Variants in TMEM108 observed in about 807,000 individuals in gnomAD.
The protein encoded by TMEM108 is transmembrane protein 108, also known as cancer/testis antigen 124.
TMEM108 carries 12 observed loss-of-function variants against 35.1 expected under a neutral mutation model. That is an observed-to-expected ratio of 0.34 (90% confidence interval 0.22 to 0.55). The LOEUF (loss-of-function observed/expected upper bound fraction) is 0.55, where lower values mean the gene tolerates loss of function less well. Among genes scored for constraint, TMEM108 ranks in the 20% least tolerant of loss-of-function variants. The probability of loss-of-function intolerance (pLI) is 0.89; values close to 1 mark genes in which losing one functional copy is unlikely to be tolerated. For synonymous variants in TMEM108, 287 were observed against 308.6 expected, an observed-to-expected ratio of 0.93 and a Z score of 0.73; for missense variants, 680 against 753.3, an observed-to-expected ratio of 0.90 and a Z score of 1.14.
At chr3:133,110,506 C>A (rs960848140) in intron 2 of TMEM108, among the ~76,000 whole-genome samples, 1 of 152,186 alleles carries the variant, frequency 6.6e-6, no homozygotes, top group Non-Finnish European at 1.5e-5. Flanking sequence ...ATGTTCGTGA[C>A]ATTTCTAGTT....
At chr3:133,387,933 T>A in intron 4 of TMEM108, 1 of 985,424 alleles carries the variant, frequency 1.0e-6, no homozygotes, top group Non-Finnish European at 1.2e-6. Flanking sequence ...ACAAATATCT[T>A]TCTACCTTAG....
intron 3 of TMEM108, among the ~76,000 whole-genome samples, chr3:133,339,351 A>C (rs745630816): frequency 6.6e-6 from 1 of 152,004 alleles, no homozygotes; most frequent in Non-Finnish European, 1.5e-5. Context: ...AGCTTTAAGA[A>C]GAGACAAAGA....
rs555879179 is a variant in TMEM108 at position 133,389,181 on chromosome 3, C to G, written c.1451-999C>G. 42 of 985,682 alleles carry G rather than the reference C, an allele frequency of 4.3e-5. No individual in the cohort carries two copies. The South Asian group carries it at 1.8e-3, about 42-fold the overall frequency. The allele number at this position is 985,682 out of a possible 1,614,324, so 61.1% of individuals were successfully genotyped here. A position where few individuals can be genotyped will look rare whatever the true frequency, so the allele number is the denominator to read the frequency against. On this transcript the variant is annotated intron_variant, in intron 4 of 5. Coordinates refer to ENST00000321871, the MANE Select transcript of TMEM108 (RefSeq NM_023943.4). ...CACCCCACCTCTCTGACCTCAGAAG[C>G]CTTCCCTGCTCACAAGCCACTCAAT...
chr3:133,194,817 A>G (rs1028725444), intron 2 of TMEM108, among the ~76,000 whole-genome samples: 1 of 152,216 alleles, frequency 6.6e-6, no homozygotes, highest in African/African-American at 2.4e-5. Context: ...AATCATAGAA[A>G]TGTAAAAATT....
intron 2 of TMEM108, among the ~76,000 whole-genome samples, chr3:133,198,176 C>T (rs892922225): frequency 1.3e-5 from 2 of 152,140 alleles, no homozygotes; most frequent in Non-Finnish European, 2.9e-5. Context: ...GAAGAATTTT[C>T]GTATAACTTG....
At chr3:133,309,852 C>T (rs556981295) in intron 3 of TMEM108, among the ~76,000 whole-genome samples, 47 of 151,896 alleles carry the variant, frequency 3.1e-4, no homozygotes, top group Non-Finnish European at 5.9e-4. Context: ...AGGCGCCAGC[C>T]GCTACGCCCG....
chr3:133,267,422 G>A (rs927520622), intron 3 of TMEM108, among the ~76,000 whole-genome samples: 3 of 152,188 alleles, frequency 2.0e-5, no homozygotes, highest in Admixed American at 6.5e-5. Context: ...AGCAGCTAGA[G>A]AGTGGATCTC....
At chr3:133,176,067 G>C (rs1345015976) in intron 2 of TMEM108, among the ~76,000 whole-genome samples, 3 of 152,220 alleles carry the variant, frequency 2.0e-5, no homozygotes, top group Non-Finnish European at 2.9e-5. Context: ...GATCAAAAGA[G>C]ACAAAGAAGG....
chr3:133,134,026 T>C (rs1351196792), intron 2 of TMEM108, among the ~76,000 whole-genome samples: 1 of 151,994 alleles, frequency 6.6e-6, no homozygotes, highest in Non-Finnish European at 1.5e-5. Context: ...CCTCCCAAAG[T>C]GCTGGGATTA....
chr3:133,263,906 G>A (rs369406295), intron 3 of TMEM108, among the ~76,000 whole-genome samples: 156 of 152,282 alleles, frequency 1.0e-3, no homozygotes, highest in African/African-American at 3.7e-3. Context: ...TTATGGAATA[G>A]ACATTCTTTC....
At chr3:133,118,504 T>G (rs966664695) in intron 2 of TMEM108, among the ~76,000 whole-genome samples, 5 of 152,210 alleles carry the variant, frequency 3.3e-5, no homozygotes, top group Non-Finnish European at 7.3e-5. Flanking sequence ...TTCAGTTGCC[T>G]CTCATTTATC....
At chr3:133,209,528 T>G (rs1945806085) in intron 2 of TMEM108, among the ~76,000 whole-genome samples, 1 of 152,100 alleles carries the variant, frequency 6.6e-6, no homozygotes, top group African/African-American at 2.4e-5. Context: ...CCCCAGCCCC[T>G]CCTATTAGCA....
chr3:133,139,115 G>A (rs1429004483), intron 2 of TMEM108, among the ~76,000 whole-genome samples: 2 of 152,148 alleles, frequency 1.3e-5, no homozygotes, highest in Non-Finnish European at 2.9e-5. Flanking sequence ...TGGCTGCATA[G>A]TATTCCATGG....
chr3:133,150,360 C>A (rs1280492857), intron 2 of TMEM108, among the ~76,000 whole-genome samples: 1 of 22,464 alleles, frequency 4.5e-5, no homozygotes, highest in Non-Finnish European at 9.7e-5. Flanking sequence ...TTTTTTTTTG[C>A]AATTGAGTTG....
intron 3 of TMEM108, among the ~76,000 whole-genome samples, chr3:133,312,758 A>G (rs2071150016): frequency 6.6e-6 from 1 of 152,166 alleles, no homozygotes; most frequent in Admixed American, 6.5e-5. Flanking sequence ...AGTCCCAGTG[A>G]GATGAACCAG....
intron 3 of TMEM108, among the ~76,000 whole-genome samples, chr3:133,310,319 A>T (rs1054883574): frequency 1.3e-5 from 2 of 151,966 alleles, no homozygotes; most frequent in African/African-American, 4.8e-5. Flanking sequence ...GTCTCCCATT[A>T]TTATTGTGTG....
At chr3:133,216,065 T>C (rs1945903315) in intron 2 of TMEM108, among the ~76,000 whole-genome samples, 1 of 150,932 alleles carries the variant, frequency 6.6e-6, no homozygotes. Flanking sequence ...CACCACCTTG[T>C]TTTTTTTTCC....
intron 2 of TMEM108, among the ~76,000 whole-genome samples, chr3:133,067,053 C>T (rs986882827): frequency 6.6e-6 from 1 of 152,152 alleles, no homozygotes; most frequent in African/African-American, 2.4e-5. Context: ...GAACAACAAA[C>T]AATGCTATCA....
intron 2 of TMEM108, among the ~76,000 whole-genome samples, chr3:133,054,046 A>G (rs1029480673): frequency 5.3e-5 from 8 of 152,164 alleles, no homozygotes; most frequent in African/African-American, 1.4e-4. Flanking sequence ...GGGCCTGGCA[A>G]TTTCTCTAGA....
Sources: allele counts gnomAD v4.1 joint callset (sites outside exome capture counted in the v4.1 genomes callset), GRCh38; gene constraint gnomAD v4.1.1; transcripts MANE v1.5; gene names NCBI Gene and HGNC (gene_info 2026-07-23, HGNC 2026-07-21).